The following CPPED1 variants were observed in gnomAD, a reference collection of about 807,000 sequenced individuals.
CPPED1 encodes the protein calcineurin like phosphoesterase domain containing 1.
Under a neutral mutation model 28.0 loss-of-function variants are expected in CPPED1, and 28 were observed. The observed-to-expected ratio is 1.00, with a 90% confidence interval of 0.74 to 1.37. The LOEUF is 1.37. Among genes scored for constraint, CPPED1 ranks in the 40% most tolerant of loss-of-function variants. The pLI, the probability that CPPED1 is intolerant of heterozygous loss-of-function variation, is 0.00. For synonymous variants in CPPED1, 198 were observed against 180.2 expected (o/e 1.10, Z -0.79); for missense variants, 504 against 416.5 (o/e 1.21, Z -1.83).
chr16:12,787,668 G>A, intron 1 of CPPED1, among the ~76,000 whole-genome samples: 1 of 152,098 alleles, frequency 6.6e-6, no homozygotes, highest in Non-Finnish European at 1.5e-5. Flanking sequence ...GCCTCCCAAA[G>A]TGCTGAGATT....
chr16:12,746,058 C>G (rs966092303), intron 2 of CPPED1: 1 of 151,940 alleles, frequency 6.6e-6, no homozygotes, highest in Non-Finnish European at 1.5e-5. Flanking sequence ...AAAATCAATA[C>G]AAAACAAAAT....
intron 2 of CPPED1, chr16:12,757,909 T>C (rs1239518704): frequency 1.3e-5 from 2 of 151,410 alleles, no homozygotes; most frequent in East Asian, 4.0e-4. Context: ...GCAAAATATA[T>C]GGCAACAAAA....
At chr16:12,724,858 C>G (rs2080161411) in intron 2 of CPPED1, among the ~76,000 whole-genome samples, 1 of 151,914 alleles carries the variant, frequency 6.6e-6, no homozygotes, top group Admixed American at 6.6e-5. Context: ...GTGATCTCGG[C>G]TCACCGCAAG....
At chr16:12,715,325 A>C (rs2141193972) in intron 2 of CPPED1, among the ~76,000 whole-genome samples, 1 of 152,290 alleles carries the variant, frequency 6.6e-6, no homozygotes, top group South Asian at 2.1e-4. Context: ...GTAACTGTGT[A>C]ATCAAGGAGA....
chr16:12,729,406 A>G (rs933898121), intron 2 of CPPED1, among the ~76,000 whole-genome samples: 2 of 152,190 alleles, frequency 1.3e-5, no homozygotes, highest in Non-Finnish European at 2.9e-5. Flanking sequence ...GTATACAAAG[A>G]TTTTTGCAAA....
chr16:12,730,582 G>C (rs2080192074), intron 2 of CPPED1, among the ~76,000 whole-genome samples: 1 of 152,266 alleles, frequency 6.6e-6, no homozygotes, highest in Middle Eastern at 3.4e-3. Context: ...TTTGTGATCT[G>C]TTCATTAGAT....
chr16:12,756,973 T>G (rs956974394), intron 2 of CPPED1, among the ~76,000 whole-genome samples: 2 of 152,120 alleles, frequency 1.3e-5, no homozygotes, highest in African/African-American at 2.4e-5. Flanking sequence ...TTCAATCCCG[T>G]GAAAAAACGT....
intron 2 of CPPED1, among the ~76,000 whole-genome samples, chr16:12,764,360 C>A (rs1319818425): frequency 6.6e-6 from 1 of 152,126 alleles, no homozygotes. Context: ...CATGCCACCA[C>A]ACCCAGCTAA....
intron 2 of CPPED1, among the ~76,000 whole-genome samples, chr16:12,770,279 C>G (rs901704618): frequency 6.6e-6 from 1 of 152,186 alleles, no homozygotes; most frequent in African/African-American, 2.4e-5. Flanking sequence ...TCTTGGACTT[C>G]AAGCCTAAAG....
At position 12,685,913 on chromosome 16, in the gene CPPED1, T is replaced by C. The variant is rs2079930299; in HGVS notation, c.715+18711A>G. ...CTCTGGGGTTGTCAATGTGAATGAA[T>C]GTGACGTGCAGAATTGCATCAGCCA... On this transcript the variant is annotated intron_variant, in intron 3 of 3. Coordinates refer to ENST00000381774, the MANE Select transcript of CPPED1 (RefSeq NM_018340.3). Among the ~76,000 whole-genome samples the C allele has an allele frequency of 2.0e-5, 3 of 152,202 alleles. No homozygotes were observed. The South Asian group carries it at 6.2e-4, about 31-fold the overall frequency.
chr16:12,674,554 A>G (rs1164343941), intron 3 of CPPED1, among the ~76,000 whole-genome samples: 1 of 152,138 alleles, frequency 6.6e-6, no homozygotes, highest in African/African-American at 2.4e-5. Flanking sequence ...GAGTGAAAGG[A>G]GGCGGGGCCT....
chr16:12,741,823 G>C (rs965727566), intron 2 of CPPED1, among the ~76,000 whole-genome samples: 1 of 152,192 alleles, frequency 6.6e-6, no homozygotes, highest in African/African-American at 2.4e-5. Flanking sequence ...GGCCGAGGCA[G>C]GTGGATCACT....
intron 2 of CPPED1, among the ~76,000 whole-genome samples, chr16:12,737,497 GTCTGGAT>G (rs2080232748): frequency 6.6e-6 from 1 of 152,234 alleles, no homozygotes; most frequent in Non-Finnish European, 1.5e-5. Flanking sequence ...GCAGGGACCT[GTCTGGAT>G]TCTCAGAGCA....
intron 3 of CPPED1, among the ~76,000 whole-genome samples, chr16:12,676,608 G>C (rs1287898755): frequency 1.3e-5 from 2 of 152,142 alleles, no homozygotes; most frequent in East Asian, 3.9e-4. Flanking sequence ...CCATCTGAGA[G>C]GTGCAAAGTG....
At chr16:12,793,629 G>T (rs572703302) in intron 1 of CPPED1, among the ~76,000 whole-genome samples, 1 of 152,304 alleles carries the variant, frequency 6.6e-6, no homozygotes, top group South Asian at 2.1e-4. Context: ...TAAAGCATTT[G>T]GACTAGACAC....
In CPPED1 at chr16:12,663,167, TC is replaced by T. The variant is rs1441513592; in HGVS notation, c.*1718del. The T allele has an allele frequency of 1.3e-5, 2 of 151,482 alleles. No individual in the cohort carries two copies. The highest frequency in any genetic ancestry group is 4.9e-5 in the African/African-American group (2 of 41,070). The allele number at this position is 151,482 out of a possible 1,614,324, so 9.4% of individuals were successfully genotyped here. On this transcript the variant is annotated 3_prime_UTR_variant, in exon 4 of 4. Transcript: ENST00000381774. ...ACCTCTGCCTCCTGAGTTCCAGCGA[TC>T]TCCTGCCTCAGCCTCCCGAGTAGCT...
At chr16:12,730,621 C>G (rs2080192285) in intron 2 of CPPED1, among the ~76,000 whole-genome samples, 1 of 152,160 alleles carries the variant, frequency 6.6e-6, no homozygotes, top group South Asian at 2.1e-4. Context: ...AACACAGAAC[C>G]AATTGCTGCT....
chr16:12,802,616 G>T (rs532453947), intron 1 of CPPED1, among the ~76,000 whole-genome samples: 2 of 152,196 alleles, frequency 1.3e-5, no homozygotes, highest in African/African-American at 4.8e-5. Flanking sequence ...AATAAATAAG[G>T]TTTTACCATA....
chr16:12,687,073 C>A lies in CPPED1; in HGVS notation c.715+17551G>T, dbSNP rs11645028. Among the ~76,000 whole-genome samples, 1,491 of 152,204 alleles carry A rather than the reference C, an allele frequency of 9.8e-3. 12 individuals are homozygous for A. Among genetic ancestry groups the A allele is most frequent in the Non-Finnish European group, 0.015 (1,039 of 68,010 alleles). On this transcript the variant is annotated intron_variant, in intron 3 of 3. Coordinates refer to ENST00000381774, the MANE Select transcript of CPPED1 (RefSeq NM_018340.3). ...GCATTTAGGATGTAAGCACTTGTAT[C>A]ATAATCTCAATTTTGCCTCTTGTCC...
Sources: allele counts gnomAD v4.1 joint callset (sites outside exome capture counted in the v4.1 genomes callset), GRCh38; gene constraint gnomAD v4.1.1; transcripts MANE v1.5; gene names NCBI Gene and HGNC (gene_info 2026-07-23, HGNC 2026-07-21).